DENND4C: variants seen among roughly 807,000 people sequenced by gnomAD.
DENND4C encodes the protein DENN domain-containing protein 4C.
In DENND4C, 108 loss-of-function variants were observed where a neutral mutation model predicts 203.0. The observed-to-expected ratio is 0.53, with a 90% CI of 0.46 to 0.62. DENND4C has a LOEUF of 0.62. Among genes scored for constraint, DENND4C ranks in the 20% least tolerant of loss-of-function variants. DENND4C has a pLI of 0.00. For missense variants in DENND4C, 2,481 were observed against 2,301.2 expected, an observed-to-expected ratio of 1.08 and a Z score of -1.60; for synonymous variants, 871 against 792.4, an observed-to-expected ratio of 1.10 and a Z score of -1.67.
chr9:19,311,264 C>G (rs1840686435), intron 10 of DENND4C, among the ~76,000 whole-genome samples: 1 of 152,064 alleles, frequency 6.6e-6, no homozygotes, highest in South Asian at 2.1e-4. Flanking sequence ...GCTGGGACCA[C>G]AGGCATGCAC....
intron 1 of DENND4C, among the ~76,000 whole-genome samples, chr9:19,270,779 T>C (rs1179056410): frequency 1.3e-5 from 2 of 152,120 alleles, no homozygotes; most frequent in Non-Finnish European, 2.9e-5. Context: ...GCAGCTACAA[T>C]GGAAAGAAAG....
Position 19,352,058 on chromosome 9 carries a change from TA to T in DENND4C, c.4496-14del. 6.3e-7 allele frequency: 1 copy of T among 1,593,624 alleles called. No homozygotes were observed. Among genetic ancestry groups the T allele is most frequent in the Non-Finnish European group, 8.6e-7 (1 of 1,161,492 alleles). On this transcript the variant is annotated splice_polypyrimidine_tract_variant and intron_variant, in intron 24 of 32. Transcript: ENST00000434457. ...ATTCCTTACTTAAGGTATTACGATG[TA>T]TATTCCTTTGTAGGTGAAGTTCCAT... is the stretch of plus-strand genomic sequence containing the variant.
chr9:19,362,252 T>C (rs1366010016), intron 30 of DENND4C, among the ~76,000 whole-genome samples: 1 of 152,066 alleles, frequency 6.6e-6, no homozygotes, highest in African/African-American at 2.4e-5. Context: ...CCAGCCTGGG[T>C]GTCAGAGCAA....
Position 19,286,749 on chromosome 9 carries a change from T to C in DENND4C, c.306-20T>C, listed in dbSNP as rs1478542550. 2.4e-6 allele frequency: 3 copies of C among 1,231,634 alleles called. No individual in the cohort carries two copies. Among genetic ancestry groups the C allele is most frequent in the Non-Finnish European group, 2.0e-6 (2 of 987,702 alleles). The allele number at this position is 1,231,634 out of a possible 1,614,324, so 76.3% of individuals were successfully genotyped here. A position where few individuals can be genotyped will look rare whatever the true frequency, so the allele number is the denominator to read the frequency against. ...GTATGTATATATCTATATCTATTTC[T>C]TCCCCTTCCTGCCATGCAGAGTTCT... is the stretch of plus-strand genomic sequence containing the variant. On this transcript the variant is annotated intron_variant, in intron 2 of 32. Transcript: ENST00000434457.
intron 23 of DENND4C, among the ~76,000 whole-genome samples, chr9:19,350,399 T>C (rs1307767507): frequency 2.0e-5 from 3 of 152,224 alleles, no homozygotes; most frequent in Admixed American, 6.5e-5. Flanking sequence ...CCTGATTCCA[T>C]TGGAGACAGT....
In DENND4C at chr9:19,350,710, T is replaced by C. The variant is rs201607176; in HGVS notation, c.4326T>C (p.Thr1442=). The C allele has an allele frequency of 1.2e-6, 2 of 1,608,978 alleles. No homozygotes were observed. Among genetic ancestry groups the C allele is most frequent in the Non-Finnish European group, 8.5e-7 (1 of 1,178,564 alleles). The change falls in exon 24 of 33, where the codon ACT becomes ACC. Residue 1442 remains threonine, a synonymous_variant. Coordinates refer to ENST00000434457, the MANE Select transcript of DENND4C (RefSeq NM_001330640.2). The part of the protein sequence containing the change: ...AYSYSDDEEE[T]NRDYSFPAGL... ...TTTTTTTTCAATTAAAGGAAGAAAC[T>C]AATAGAGACTACAGCTTCCCAGCTG...
At chr9:19,308,935 G>C (rs1588889412) in intron 10 of DENND4C, among the ~76,000 whole-genome samples, 1 of 152,058 alleles carries the variant, frequency 6.6e-6, no homozygotes, top group Admixed American at 6.6e-5. Flanking sequence ...AAATTAAGTT[G>C]TCTACAACAT....
chr9:19,278,842 T>C (rs887772904), intron 2 of DENND4C, among the ~76,000 whole-genome samples: 9 of 152,010 alleles, frequency 5.9e-5, no homozygotes, highest in Admixed American at 5.9e-4. Context: ...TGACTGGGAA[T>C]TGGATTAATA....
At chr9:19,295,900 C>A in intron 5 of DENND4C, 108 bp from the exon 6 acceptor site, 1 of 736,820 alleles carries the variant, frequency 1.4e-6, no homozygotes, top group South Asian at 2.6e-5. Context: ...CATAATTTAT[C>A]TGTATAAGTG....
At chr9:19,282,138 T>C (rs1834172205) in intron 2 of DENND4C, among the ~76,000 whole-genome samples, 1 of 131,080 alleles carries the variant, frequency 7.6e-6, no homozygotes, top group Non-Finnish European at 1.7e-5. Context: ...GATTCTTTTG[T>C]AATAATACTT....
In DENND4C at chr9:19,282,715, C is replaced by CTTTTTTTTTTTTTTTTTTTTTTTT. The variant is rs1554717864; in HGVS notation, c.306-4035_306-4034insTTTTTTTTTTTTTTTTTTTTTTTT. On this transcript the variant is annotated intron_variant, in intron 2 of 32. Transcript: ENST00000434457. ...TTTTCTTTTTCTTTTTTTCTTCTCTCTTTTTTTTTTTTTTTTTTTGAGACA... is the reference window on the plus strand; with the variant it reads ...TTTTCTTTTTCTTTTTTTCTTCTCTCTTTTTTTTTTTTTTTTTTTTTTTTTTTTTTTTTTTTTTTTTTTGAGACA... Among the ~76,000 whole-genome samples, 9 of 86,664 alleles carry CTTTTTTTTTTTTTTTTTTTTTTTT rather than the reference C, an allele frequency of 1.0e-4. 1 individual carries two copies. The highest frequency in any genetic ancestry group is 4.0e-4 in the African/African-American group (9 of 22,628). The allele number at this position is 86,664 out of a possible 152,430, so 56.9% of individuals were successfully genotyped here.
chr9:19,236,122 T>A, intron 1 of DENND4C, among the ~76,000 whole-genome samples: 1 of 152,034 alleles, frequency 6.6e-6, no homozygotes, highest in Non-Finnish European at 1.5e-5. Context: ...ATAAATGTTA[T>A]AAATCTTTTT....
chr9:19,271,419 T>C (rs576805760), intron 1 of DENND4C, among the ~76,000 whole-genome samples: 146 of 152,282 alleles, frequency 9.6e-4, no homozygotes, highest in African/African-American at 3.4e-3. Context: ...CAGGCTGTTC[T>C]TGAACTCCTG....
At chr9:19,340,914 GAATTTTCTT>G in intron 20 of DENND4C, 69 bp from the exon 21 acceptor site, 8 of 1,174,556 alleles carry the variant, frequency 6.8e-6, no homozygotes, top group Non-Finnish European at 6.6e-6. Flanking sequence ...TAGATCAGTG[GAATTTTCTT>G]GTGATTTTTA....
chr9:19,291,597 C>T (rs1404316343), intron 5 of DENND4C, among the ~76,000 whole-genome samples: 2 of 151,096 alleles, frequency 1.3e-5, no homozygotes, highest in South Asian at 2.1e-4. Flanking sequence ...CCTGGCTACT[C>T]GGGAGGGTGA....
chr9:19,232,934 G>C (rs1820943493), intron 1 of DENND4C, among the ~76,000 whole-genome samples: 1 of 151,930 alleles, frequency 6.6e-6, no homozygotes, highest in Non-Finnish European at 1.5e-5. Context: ...TTTCACTGGA[G>C]CTTCCTGCCA....
At chr9:19,250,982 T>G (rs532352528) in intron 1 of DENND4C, among the ~76,000 whole-genome samples, 21 of 152,322 alleles carry the variant, frequency 1.4e-4, no homozygotes, top group African/African-American at 4.6e-4. Context: ...TTCTGGGGTA[T>G]GGAGGACGGT....
intron 7 of DENND4C, 52 bp downstream of exon 7, chr9:19,298,174 TC>T (rs1346822139): frequency 1.3e-6 from 2 of 1,496,900 alleles, no homozygotes; most frequent in South Asian, 2.4e-5. Flanking sequence ...CTCACCTGAG[TC>T]ATTGCAGAGT....
intron 26 of DENND4C, among the ~76,000 whole-genome samples, 184 bp from the exon 27 acceptor site, chr9:19,356,788 T>TGTGTGTGAGAGAGA (rs1266119304): frequency 1.4e-5 from 2 of 140,418 alleles, no homozygotes; most frequent in African/African-American, 5.6e-5. Flanking sequence ...TGTGTGTGTG[T>TGTGTGTGAGAGAGA]GAGAGAGAGA....
Sources: allele counts gnomAD v4.1 joint callset (sites outside exome capture counted in the v4.1 genomes callset), GRCh38; gene constraint gnomAD v4.1.1; transcripts MANE v1.5; gene names NCBI Gene and HGNC (gene_info 2026-07-23, HGNC 2026-07-21).